Variants in ST7L observed in about 807,000 individuals in gnomAD.
ST7L encodes the protein suppressor of tumorigenicity 7 protein-like.
A neutral mutation model predicts 72.5 loss-of-function variants in ST7L; 57 were observed. That is an observed-to-expected ratio of 0.79 (90% CI 0.64 to 0.98). The LOEUF is 0.98. Among genes scored for constraint, ST7L ranks in the 50% least tolerant of loss-of-function variants. The pLI, the probability that ST7L is intolerant of heterozygous loss-of-function variation, is 0.00. For synonymous variants in ST7L, 221 were observed against 240.9 expected (o/e 0.92, Z 0.77); for missense variants, 576 against 672.2 (o/e 0.86, Z 1.58).
At chr1:112,579,072 G>A (rs551606101) in intron 9 of ST7L, among the ~76,000 whole-genome samples, 21 of 152,060 alleles carry the variant, frequency 1.4e-4, no homozygotes, top group Admixed American at 3.3e-4. Context: ...GGTGAAATGC[G>A]TTCAACCAAT....
intron 14 of ST7L, chr1:112,539,867 A>G: frequency 1.0e-6 from 1 of 985,394 alleles, no homozygotes; most frequent in South Asian, 4.7e-5. Flanking sequence ...GTAAAAGTTT[A>G]CCATTAGGCA....
At chr1:112,600,022 T>C (rs973580997) in intron 4 of ST7L, among the ~76,000 whole-genome samples, 2 of 152,108 alleles carry the variant, frequency 1.3e-5, no homozygotes, top group African/African-American at 2.4e-5. Context: ...CTTGGCAACA[T>C]AGCAAGACCC....
chr1:112,526,329 ACTC>A lies in ST7L; in HGVS notation c.1630-221_1630-219del, dbSNP rs1347336617. ...TTAAACAACTCTGGCTCCTAATTCT[ACTC>A]CTTTTTTCCCCTTCAGATTAACATT... On this transcript the variant is annotated intron_variant, in intron 14 of 14. Transcript: ENST00000358039. 1.4e-4 allele frequency: 65 copies of A among 462,576 alleles called. No individual in the cohort carries two copies. In the East Asian group the frequency reaches 2.0e-3, roughly 15 times the overall value. The allele number at this position is 462,576 out of a possible 1,614,324, so 28.7% of individuals were successfully genotyped here.
chr1:112,526,883 T>C (rs1653521220), intron 14 of ST7L: 1 of 152,218 alleles, frequency 6.6e-6, no homozygotes, highest in South Asian at 2.1e-4. Flanking sequence ...GACAGATGCC[T>C]ACCCGTGGCC....
intron 14 of ST7L, chr1:112,540,422 T>G (rs1655920322): frequency 1.0e-6 from 1 of 985,336 alleles, no homozygotes; most frequent in Admixed American, 6.1e-5. Flanking sequence ...CTACTGCAAA[T>G]AACAGTTATG....
chr1:112,567,229 G>T (rs538125920), intron 11 of ST7L, among the ~76,000 whole-genome samples: 2 of 151,914 alleles, frequency 1.3e-5, no homozygotes, highest in East Asian at 3.9e-4. Flanking sequence ...TTTTTTGCCT[G>T]CTTCATTTTA....
chr1:112,598,016 T>C lies in ST7L; in HGVS notation c.577A>G (p.Thr193Ala). The C allele has an allele frequency of 6.2e-7, 1 of 1,613,694 alleles. No individual in the cohort carries two copies. The highest frequency in any genetic ancestry group is 8.5e-7 in the Non-Finnish European group (1 of 1,179,888). ...DMNLSAQDHQ[T>A]FFTCDTDFLR... The stretch of plus-strand genomic sequence containing the variant: ...AAATCTGTGTCACAGGTGAAAAAGG[T>C]CTGATGGTCCTGAGCTGACAGGTTC... Residue 193 changes from threonine to alanine, a missense_variant, in exon 5 of 15, where the codon ACC becomes GCC. By Grantham distance (58) the Thr-to-Ala change is moderately conservative. Coordinates refer to ENST00000358039, the MANE Select transcript of ST7L (RefSeq NM_017744.5).
intron 1 of ST7L, chr1:112,618,668 GA>G: frequency 1.3e-6 from 1 of 793,402 alleles, no homozygotes. Flanking sequence ...CTTTTCCATG[GA>G]AAAACGAGGA....
downstream of ST7L, among the ~76,000 whole-genome samples, chr1:112,519,326 AT>A (rs1289545194): frequency 6.6e-6 from 1 of 152,212 alleles, no homozygotes; most frequent in East Asian, 1.9e-4. Context: ...AAGTTCTAGC[AT>A]TTTCCTCCCG....
At chr1:112,540,494 A>G (rs996972861) in intron 14 of ST7L, 2 of 985,318 alleles carry the variant, frequency 2.0e-6, no homozygotes, top group Non-Finnish European at 1.2e-6. Context: ...TTTCCAAACC[A>G]AATAGCTATA....
chr1:112,582,957 T>G (rs921990756), intron 7 of ST7L, among the ~76,000 whole-genome samples: 2 of 152,196 alleles, frequency 1.3e-5, no homozygotes, highest in Non-Finnish European at 2.9e-5. Flanking sequence ...CAGTGAGTAG[T>G]TGACAAACTA....
intron 13 of ST7L, among the ~76,000 whole-genome samples, chr1:112,544,357 G>T (rs997212672): frequency 6.6e-6 from 1 of 152,138 alleles, no homozygotes; most frequent in African/African-American, 2.4e-5. Flanking sequence ...TATTCAGAAA[G>T]TATATACCAA....
intron 3 of ST7L, among the ~76,000 whole-genome samples, chr1:112,605,367 T>A (rs1668067475): frequency 6.6e-6 from 1 of 151,488 alleles, no homozygotes; most frequent in Non-Finnish European, 1.5e-5. Context: ...CACTCCAGCC[T>A]GGGCGACAGA....
chr1:112,562,125 T>G (rs1333294935), intron 11 of ST7L, among the ~76,000 whole-genome samples: 1 of 151,736 alleles, frequency 6.6e-6, no homozygotes, highest in Non-Finnish European at 1.5e-5. Context: ...ACTACCACAT[T>G]TGGCTAGCTT....
At chr1:112,564,085 C>T (rs1183921011) in intron 11 of ST7L, among the ~76,000 whole-genome samples, 1 of 152,152 alleles carries the variant, frequency 6.6e-6, no homozygotes, top group Non-Finnish European at 1.5e-5. Context: ...GCAGAGTCCA[C>T]ATTGGTATGT....
At chr1:112,561,202 T>C (rs1660071374) in intron 11 of ST7L, among the ~76,000 whole-genome samples, 2 of 151,720 alleles carry the variant, frequency 1.3e-5, no homozygotes, top group African/African-American at 4.8e-5. Flanking sequence ...TAGTAAAGTA[T>C]ATGCTCAGTG....
At chr1:112,617,633 G>A (rs929610213) in intron 1 of ST7L, among the ~76,000 whole-genome samples, 9 of 151,514 alleles carry the variant, frequency 5.9e-5, no homozygotes, top group African/African-American at 1.9e-4. Context: ...GATCGCTTAA[G>A]CAGAAGAGTT....
chr1:112,570,703 A>G (rs1335019682), intron 11 of ST7L: 1 of 455,486 alleles, frequency 2.2e-6, no homozygotes, highest in East Asian at 7.0e-5. Context: ...AGTCAGGAAT[A>G]GAGACCATAA....
chr1:112,618,368 G>A (rs1273034207), intron 1 of ST7L: 1 of 652,208 alleles, frequency 1.5e-6, no homozygotes, highest in African/African-American at 2.0e-5. Context: ...CTCAAGATAA[G>A]CCTAAAAGAA....
Sources: allele counts gnomAD v4.1 joint callset (sites outside exome capture counted in the v4.1 genomes callset), GRCh38; gene constraint gnomAD v4.1.1; transcripts MANE v1.5; gene names NCBI Gene and HGNC (gene_info 2026-07-23, HGNC 2026-07-21).